Variants in ST6GALNAC3 observed in about 807,000 individuals in gnomAD.
ST6GALNAC3 encodes the protein ST6 N-acetylgalactosaminide alpha-2,6-sialyltransferase 3, also known as alpha-N-acetylgalactosaminide alpha-2,6-sialyltransferase 3.
In ST6GALNAC3, 25 loss-of-function variants were observed where a neutral mutation model predicts 32.7. That is an observed-to-expected ratio of 0.76 (90% CI 0.56 to 1.07). ST6GALNAC3 has a LOEUF of 1.07. Ranked by LOEUF, ST6GALNAC3 falls within the 50% of genes least tolerant of loss-of-function variation. ST6GALNAC3 has a pLI of 0.00. For missense variants in ST6GALNAC3, 355 were observed against 382.4 expected (o/e 0.93, Z 0.60); for synonymous variants, 129 against 133.1 (o/e 0.97, Z 0.21).
chr1:76,454,775 T>C (rs1376800362), intron 3 of ST6GALNAC3, among the ~76,000 whole-genome samples: 1 of 152,154 alleles, frequency 6.6e-6, no homozygotes, highest in African/African-American at 2.4e-5. Flanking sequence ...CAATGATCTT[T>C]TTGCAATAAA....
At chr1:76,180,103 G>T (rs1438472285) in intron 1 of ST6GALNAC3, among the ~76,000 whole-genome samples, 1 of 152,176 alleles carries the variant, frequency 6.6e-6, no homozygotes, top group African/African-American at 2.4e-5. Flanking sequence ...TTTGGGGGCA[G>T]GGCCCACATT....
At chr1:76,530,291 G>T (rs1320783688) in intron 3 of ST6GALNAC3, among the ~76,000 whole-genome samples, 2 of 152,124 alleles carry the variant, frequency 1.3e-5, no homozygotes, top group African/African-American at 4.8e-5. Flanking sequence ...ATTAATCGTA[G>T]TACTTCTTAA....
chr1:76,628,163 G>T (rs967865084), intron 4 of ST6GALNAC3, among the ~76,000 whole-genome samples: 1 of 151,740 alleles, frequency 6.6e-6, no homozygotes, highest in African/African-American at 2.4e-5. Flanking sequence ...CCAACAATTG[G>T]CACAATATAA....
Position 76,629,549 on chromosome 1 carries a change from A to C in ST6GALNAC3, c.*743A>C. 1 of 984,946 alleles carries C rather than the reference A, an allele frequency of 1.0e-6. No homozygotes were observed. The highest frequency in any genetic ancestry group is 1.2e-6 in the Non-Finnish European group (1 of 829,190). 61.0% of individuals were successfully genotyped at this position (984,946 alleles called of 1,614,324 possible). On this transcript the variant is annotated 3_prime_UTR_variant, in exon 5 of 5. Transcript: ENST00000328299. The stretch of plus-strand genomic sequence containing the variant: ...ACTGAACATGTGATTAGAATGATCT[A>C]TATTAATGTTTAGTTATTTTTGGTT...
chr1:76,341,603 G>A (rs1293899747), intron 2 of ST6GALNAC3, among the ~76,000 whole-genome samples: 1 of 122,228 alleles, frequency 8.2e-6, no homozygotes, highest in Admixed American at 8.1e-5. Context: ...TCTCCAAACT[G>A]CTTTTCTTTC....
chr1:76,113,253 C>G (rs1289435490), intron 1 of ST6GALNAC3, among the ~76,000 whole-genome samples: 11 of 150,872 alleles, frequency 7.3e-5, no homozygotes, highest in Non-Finnish European at 1.2e-4. Context: ...GCAGGAGAAT[C>G]AGGCAGGGAG....
At chr1:76,160,805 A>AGCGTT (rs1651757283) in intron 1 of ST6GALNAC3, among the ~76,000 whole-genome samples, 1 of 152,266 alleles carries the variant, frequency 6.6e-6, no homozygotes, top group Non-Finnish European at 1.5e-5. Context: ...GCCCACAAAC[A>AGCGTT]ACATGTGGAC....
intron 1 of ST6GALNAC3, among the ~76,000 whole-genome samples, chr1:76,269,328 T>C (rs1658709393): frequency 6.6e-6 from 1 of 152,202 alleles, no homozygotes; most frequent in Admixed American, 6.5e-5. Context: ...CATGGGTGTT[T>C]CCTGACGCCA....
rs183425031 is a variant in ST6GALNAC3, at chr1:76,139,441, G to A, written c.18+64557G>A. On this transcript the variant is annotated intron_variant, in intron 1 of 4. Coordinates refer to ENST00000328299, the MANE Select transcript of ST6GALNAC3 (RefSeq NM_152996.4). ...ACACACACACAGTTGTACATGGACT[G>A]TTTCTTGGGAAGAAATGCTCATTCG... Among the ~76,000 whole-genome samples, 9 of 152,192 alleles carry A rather than the reference G, an allele frequency of 5.9e-5. No homozygotes were observed. In the East Asian group the frequency reaches 1.5e-3, roughly 26 times the overall value.
At chr1:76,179,370 A>G (rs1570330022) in intron 1 of ST6GALNAC3, among the ~76,000 whole-genome samples, 2 of 152,170 alleles carry the variant, frequency 1.3e-5, no homozygotes, top group Non-Finnish European at 1.5e-5. Flanking sequence ...TTCACACCCC[A>G]TGTTAAAATA....
At chr1:76,349,225 A>G (rs1193941283) in intron 2 of ST6GALNAC3, among the ~76,000 whole-genome samples, 1 of 152,170 alleles carries the variant, frequency 6.6e-6, no homozygotes, top group African/African-American at 2.4e-5. Context: ...GGCCAGGGGT[A>G]GAGTTCCCTC....
intron 1 of ST6GALNAC3, among the ~76,000 whole-genome samples, chr1:76,147,564 C>T (rs909980008): frequency 1.3e-5 from 2 of 152,104 alleles, no homozygotes; most frequent in African/African-American, 4.8e-5. Flanking sequence ...AGAACTTTAC[C>T]CCTCCCAATA....
intron 1 of ST6GALNAC3, among the ~76,000 whole-genome samples, chr1:76,205,683 C>G (rs778421568): frequency 2.0e-5 from 3 of 152,180 alleles, no homozygotes; most frequent in Admixed American, 6.5e-5. Flanking sequence ...AGGAATAATG[C>G]AAGTGCATAT....
chr1:76,231,477 A>C (rs1054536608), intron 1 of ST6GALNAC3, among the ~76,000 whole-genome samples: 1 of 152,226 alleles, frequency 6.6e-6, no homozygotes, highest in Non-Finnish European at 1.5e-5. Context: ...CTCTATACCC[A>C]GTAAACAACA....
chr1:76,488,190 G>T (rs879509739), intron 3 of ST6GALNAC3, among the ~76,000 whole-genome samples: 1 of 152,174 alleles, frequency 6.6e-6, no homozygotes, highest in Non-Finnish European at 1.5e-5. Context: ...TTCATGAATG[G>T]CTTGGGACAT....
intron 3 of ST6GALNAC3, among the ~76,000 whole-genome samples, chr1:76,488,669 ACTAGTCATCCAG>A (rs1177277127): frequency 6.6e-6 from 1 of 152,154 alleles, no homozygotes; most frequent in Non-Finnish European, 1.5e-5. Context: ...TTTGACCCCC[ACTAGTCATCCAG>A]TCCATTCCAG....
intron 1 of ST6GALNAC3, among the ~76,000 whole-genome samples, chr1:76,256,371 A>T (rs1009171352): frequency 6.6e-6 from 1 of 152,166 alleles, no homozygotes; most frequent in South Asian, 2.1e-4. Flanking sequence ...CATAACAAAA[A>T]GACACTGAAA....
intron 2 of ST6GALNAC3, among the ~76,000 whole-genome samples, chr1:76,350,309 A>G (rs556011839): frequency 1.3e-5 from 2 of 152,300 alleles, no homozygotes; most frequent in Admixed American, 1.3e-4. Flanking sequence ...TGACAGGCGC[A>G]CATCACTGTC....
chr1:76,190,251 G>A (rs945345330), intron 1 of ST6GALNAC3, among the ~76,000 whole-genome samples: 8 of 152,114 alleles, frequency 5.3e-5, no homozygotes, highest in Admixed American at 4.6e-4. Context: ...GGTGGAGTAG[G>A]ATGAGAGGCA....
Sources: gnomAD v4.1 joint callset for allele counts (sites outside exome capture counted in the v4.1 genomes callset) on GRCh38, gnomAD v4.1.1 for gene constraint, MANE v1.5 for transcripts, NCBI Gene and HGNC (gene_info 2026-07-23, HGNC 2026-07-21) for gene names.